RHBDF2: variants seen among roughly 807,000 people sequenced by gnomAD.
RHBDF2 encodes the protein inactive rhomboid protein 2.
In RHBDF2, 38 loss-of-function variants were observed where a neutral mutation model predicts 95.2. That is an observed-to-expected ratio of 0.40 (90% CI 0.31 to 0.52). The LOEUF (loss-of-function observed/expected upper bound fraction) is 0.52. RHBDF2 is among the 20% of genes least tolerant of loss of function. RHBDF2 has a pLI of 0.56. For missense variants in RHBDF2, 863 were observed against 1,137.7 expected, an observed-to-expected ratio of 0.76 and a Z score of 3.47; for synonymous variants, 442 against 462.0, an observed-to-expected ratio of 0.96 and a Z score of 0.55.
At chr17:76,474,943 G>T in intron 10 of RHBDF2, 87 bp downstream of exon 10, 1 of 1,466,340 alleles carries the variant, frequency 6.8e-7, no homozygotes, top group Non-Finnish European at 9.4e-7. Context: ...GGGCCAGATT[G>T]TTGCGGTGGG....
intron 3 of RHBDF2, among the ~76,000 whole-genome samples, chr17:76,480,139 G>A (rs904046402): frequency 3.2e-4 from 41 of 128,410 alleles, no homozygotes; most frequent in African/African-American, 1.2e-3. Flanking sequence ...CTGGAGTGCA[G>A]TGGTGTGGTC....
At chr17:76,472,887 G>A (rs533706341) in intron 17 of RHBDF2, 48 bp from the exon 18 acceptor site, 13 of 1,577,764 alleles carry the variant, frequency 8.2e-6, no homozygotes, top group African/African-American at 1.3e-5. Context: ...GGCACTTCAG[G>A]AGCAGTAGGC....
At chr17:76,476,290 T>C (rs2073770764) in intron 9 of RHBDF2, 1 of 153,306 alleles carries the variant, frequency 6.5e-6, no homozygotes, top group Non-Finnish European at 1.5e-5. Context: ...GGGCTCTGCA[T>C]AGCCTCTCCC....
At position 76,476,656 on chromosome 17, in the gene RHBDF2, G is replaced by A. The variant is rs1598659261; in HGVS notation, c.1115+174C>T. 4.2e-6 allele frequency: 4 copies of A among 962,052 alleles called. No individual in the cohort carries two copies. In the East Asian group the frequency reaches 8.1e-5, roughly 19 times the overall value. The allele number at this position is 962,052 out of a possible 1,614,324, so 59.6% of individuals were successfully genotyped here. On this transcript the variant is annotated intron_variant, in intron 9 of 18. Coordinates refer to ENST00000675367, the MANE Select transcript of RHBDF2 (RefSeq NM_001005498.4). ...CAGCAAGCACCCCTGGCCCTTCCCA[G>A]GTCATGTGCACAACCCTTGGGACAG... is the stretch of plus-strand genomic sequence containing the variant.
chr17:76,483,108 G>C (rs917446251), intron 2 of RHBDF2, among the ~76,000 whole-genome samples: 2 of 151,654 alleles, frequency 1.3e-5, no homozygotes, highest in African/African-American at 4.8e-5. Flanking sequence ...GGAAGAGATT[G>C]CTGTGAGCCA....
At chr17:76,495,552 G>T (rs538528282) in intron 1 of RHBDF2, among the ~76,000 whole-genome samples, 13 of 152,166 alleles carry the variant, frequency 8.5e-5, no homozygotes, top group African/African-American at 3.1e-4. Context: ...ATGAACGAGG[G>T]CTCACCCCAG....
At chr17:76,493,122 C>T (rs895090008) in intron 1 of RHBDF2, 2 of 152,200 alleles carry the variant, frequency 1.3e-5, no homozygotes, top group Non-Finnish European at 1.5e-5. Flanking sequence ...CTTGGGGCCA[C>T]GTCTTCGCGG....
intron 2 of RHBDF2, 39 bp from the exon 3 acceptor site, chr17:76,481,584 G>A: frequency 6.4e-7 from 1 of 1,551,510 alleles, no homozygotes; most frequent in Non-Finnish European, 8.7e-7. Context: ...GGGCGGTGCG[G>A]GGTGGCGCAG....
chr17:76,488,852 G>A (rs2074218638), intron 1 of RHBDF2, among the ~76,000 whole-genome samples: 1 of 152,184 alleles, frequency 6.6e-6, no homozygotes, highest in Non-Finnish European at 1.5e-5. Context: ...GGAGGCTGAG[G>A]CAGGAGAATC....
In RHBDF2 at chr17:76,479,175, C is replaced by G. The variant is rs1567878341; in HGVS notation, c.375G>C (p.Leu125=). The change falls in exon 5 of 19, where the codon CTG becomes CTC. Residue 125 remains leucine (L), a synonymous_variant. Coordinates refer to ENST00000675367, the MANE Select transcript of RHBDF2 (RefSeq NM_001005498.4). ...CCAGGTCACGCTGGCACGAGGCCTT[C>G]AGGCGGCCGTAGCGCATGCTGCAGT... The part of the protein sequence containing the change: ...LHHCSMRYGR[L]KASCQRDLEL... 6.2e-7 allele frequency: 1 copy of G among 1,612,452 alleles called. No individual in the cohort carries two copies. Among genetic ancestry groups the G allele is most frequent in the South Asian group, 1.1e-5 (1 of 91,020 alleles).
At chr17:76,481,183 G>A (rs1221289891) in intron 3 of RHBDF2, among the ~76,000 whole-genome samples, 192 bp downstream of exon 3, 1 of 152,218 alleles carries the variant, frequency 6.6e-6, no homozygotes, top group Non-Finnish European at 1.5e-5. Context: ...GAGTGAGCCC[G>A]GTTCCTGGCT....
chr17:76,481,206 A>C (rs1567880774), intron 3 of RHBDF2, among the ~76,000 whole-genome samples, 169 bp downstream of exon 3: 1 of 152,124 alleles, frequency 6.6e-6, no homozygotes, highest in Non-Finnish European at 1.5e-5. Context: ...ACTCCCTGTG[A>C]TATTTCGGGC....
chr17:76,500,667 CG>C (rs1418787917), intron 1 of RHBDF2, among the ~76,000 whole-genome samples: 7 of 152,192 alleles, frequency 4.6e-5, no homozygotes, highest in Non-Finnish European at 8.8e-5. Context: ...TGCGCCCTGG[CG>C]TGGGAGTGGG....
chr17:76,498,296 C>T (rs1196120292), intron 1 of RHBDF2, among the ~76,000 whole-genome samples: 6 of 152,220 alleles, frequency 3.9e-5, no homozygotes, highest in Non-Finnish European at 8.8e-5. Flanking sequence ...GGAGCCGCTT[C>T]CGACAGCCAG....
chr17:76,474,763 G>A lies in RHBDF2; in HGVS notation c.1269C>T (p.Ile423=), dbSNP rs1360697529. The change falls in exon 11 of 19, where the codon ATC becomes ATT. Residue 423 remains isoleucine, a synonymous_variant. Transcript: ENST00000675367. Reference sequence around the variant, plus strand: ...GGCCAACCCAGAAGTTCTCCTGCTGGATGTACTTCACGCTCTCGTACACAC... The same window carrying A: ...GGCCAACCCAGAAGTTCTCCTGCTGAATGTACTTCACGCTCTCGTACACAC... ...NKGVYESVKY[I]QQENFWVGPS... is the part of the protein sequence containing the mutation. 1 of 1,614,202 alleles carries A rather than the reference G, an allele frequency of 6.2e-7. No individual in the cohort carries two copies. The highest frequency in any genetic ancestry group is 2.2e-5 in the East Asian group (1 of 44,886).
At chr17:76,491,860 G>A (rs1002854104) in intron 1 of RHBDF2, among the ~76,000 whole-genome samples, 1 of 152,212 alleles carries the variant, frequency 6.6e-6, no homozygotes, top group African/African-American at 2.4e-5. Flanking sequence ...GAACCAGACA[G>A]AAAAAAGCGC....
chr17:76,474,385 C>T lies in RHBDF2; in HGVS notation c.1452G>A (p.Arg484=), dbSNP rs1401372639. 2 of 1,613,162 alleles carry T rather than the reference C, an allele frequency of 1.2e-6. No individual in the cohort carries two copies. The highest frequency in any genetic ancestry group is 2.2e-5 in the South Asian group (2 of 91,056). ...GGCCTGCCCCCACCGAGCAGTCCTT[C>T]CGCTGGGTCTGGATGCATCCGGAGT... The part of the protein sequence containing the change: ...NDHSGCIQTQ[R]KDCSETLATF... Residue 484 remains arginine (R), a synonymous_variant, in exon 12 of 19, where the codon CGG becomes CGA. Coordinates refer to ENST00000675367, the MANE Select transcript of RHBDF2 (RefSeq NM_001005498.4).
intron 1 of RHBDF2, among the ~76,000 whole-genome samples, chr17:76,498,360 A>G (rs2144484929): frequency 6.6e-6 from 1 of 152,368 alleles, no homozygotes; most frequent in Admixed American, 6.5e-5. Flanking sequence ...CCCCTGGGGC[A>G]GATGGGGCAG....
At chr17:76,498,057 C>G (rs77211439) in intron 1 of RHBDF2, among the ~76,000 whole-genome samples, 1 of 152,298 alleles carries the variant, frequency 6.6e-6, no homozygotes, top group East Asian at 1.9e-4. Flanking sequence ...GCCGTGGACA[C>G]GGTGGCGCTT....
Sources: gnomAD v4.1 joint callset for allele counts (sites outside exome capture counted in the v4.1 genomes callset) on GRCh38, gnomAD v4.1.1 for gene constraint, MANE v1.5 for transcripts, NCBI Gene and HGNC (gene_info 2026-07-23, HGNC 2026-07-21) for gene names.